SCRN3: variants seen among roughly 807,000 people sequenced by gnomAD.
SCRN3 encodes secernin 3, also known as secernin-3.
Under a neutral mutation model 43.1 loss-of-function variants are expected in SCRN3, and 39 were observed. The observed-to-expected ratio is 0.91, with a 90% CI of 0.70 to 1.18. The LOEUF is 1.18. SCRN3 is among the 50% of genes most tolerant of loss of function. The pLI, the probability that SCRN3 is intolerant of heterozygous loss-of-function variation, is 0.00. For synonymous variants in SCRN3, 147 were observed against 163.1 expected, an observed-to-expected ratio of 0.90 and a Z score of 0.75; for missense variants, 484 against 498.0, an observed-to-expected ratio of 0.97 and a Z score of 0.27.
chr2:174,416,674 A>G (rs1221673538), intron 5 of SCRN3, among the ~76,000 whole-genome samples: 1 of 152,094 alleles, frequency 6.6e-6, no homozygotes, highest in Non-Finnish European at 1.5e-5. Context: ...CAAGATATTA[A>G]CTCAGACCTG....
intron 2 of SCRN3, among the ~76,000 whole-genome samples, chr2:174,399,085 T>C (rs1685420951): frequency 6.6e-6 from 1 of 152,186 alleles, no homozygotes; most frequent in Admixed American, 6.5e-5. Context: ...TAAAAACTTA[T>C]TTTAAAAACC....
At chr2:174,409,679 A>G (rs1222198065) in intron 5 of SCRN3, among the ~76,000 whole-genome samples, 1 of 137,304 alleles carries the variant, frequency 7.3e-6, no homozygotes, top group African/African-American at 2.6e-5. Context: ...CTTCTAACAG[A>G]CAGGACCCTC....
intron 7 of SCRN3, among the ~76,000 whole-genome samples, chr2:174,427,041 A>G (rs1253320171): frequency 6.6e-6 from 1 of 151,960 alleles, no homozygotes; most frequent in Non-Finnish European, 1.5e-5. Context: ...CCATATTGGC[A>G]GGCTGGTCTC....
At chr2:174,426,896 G>A (rs1437752653) in intron 7 of SCRN3, among the ~76,000 whole-genome samples, 4 of 151,432 alleles carry the variant, frequency 2.6e-5, no homozygotes, top group East Asian at 2.0e-4. Context: ...GCCCTGGTGC[G>A]ATCTCAGCTC....
At chr2:174,395,909 C>G (rs990014538) in intron 1 of SCRN3, 92 bp downstream of exon 1, 18 of 1,424,830 alleles carry the variant, frequency 1.3e-5, no homozygotes, top group African/African-American at 7.2e-5. Context: ...CCGAGGGGCT[C>G]CGGAGCCCAG....
At chr2:174,414,825 A>G (rs1161544521) in intron 5 of SCRN3, among the ~76,000 whole-genome samples, 2 of 144,066 alleles carry the variant, frequency 1.4e-5, no homozygotes, top group African/African-American at 5.2e-5. Context: ...ATGCAGTGGC[A>G]CCATCTCAGC....
Position 174,398,460 on chromosome 2 carries a change from T to G in SCRN3, c.159+18T>G. 1 of 1,578,150 alleles carries G rather than the reference T, an allele frequency of 6.3e-7. No homozygotes were observed. Among genetic ancestry groups the G allele is most frequent in the African/African-American group, 1.4e-5 (1 of 72,666 alleles). On this transcript the variant is annotated intron_variant, in intron 2 of 7. Coordinates refer to ENST00000272732, the MANE Select transcript of SCRN3 (RefSeq NM_024583.5). Reference sequence around the variant, plus strand: ...GTCTTAAGGTAGGTGAAATAAATGTTTTGTTAGCAATATGCCTTTTAAAAA... The same window carrying G: ...GTCTTAAGGTAGGTGAAATAAATGTGTTGTTAGCAATATGCCTTTTAAAAA...
At chr2:174,422,862 G>A in intron 5 of SCRN3, 23 bp from the exon 6 acceptor site, 1 of 1,536,824 alleles carries the variant, frequency 6.5e-7, no homozygotes. Context: ...TGTATTTGAT[G>A]ATTTTAAAAA....
chr2:174,419,348 A>G (rs954186695), intron 5 of SCRN3, among the ~76,000 whole-genome samples: 1 of 152,224 alleles, frequency 6.6e-6, no homozygotes, highest in African/African-American at 2.4e-5. Context: ...CATATAAAGT[A>G]TCTAAAAATA....
At chr2:174,414,206 A>G (rs1559079343) in intron 5 of SCRN3, among the ~76,000 whole-genome samples, 1 of 151,824 alleles carries the variant, frequency 6.6e-6, no homozygotes, top group Non-Finnish European at 1.5e-5. Context: ...TGAAAGTAGA[A>G]CTCCTTCCCA....
At chr2:174,422,563 C>G (rs986005718) in intron 5 of SCRN3, among the ~76,000 whole-genome samples, 4 of 133,138 alleles carry the variant, frequency 3.0e-5, no homozygotes, top group Non-Finnish European at 6.7e-5. Context: ...GAACAAGACT[C>G]TGTCTCAAAA....
At position 174,398,386 on chromosome 2, in the gene SCRN3, C is replaced by T. The variant is rs748154955; in HGVS notation, c.103C>T (p.Gln35Ter). The T allele has an allele frequency of 6.2e-7, 1 of 1,607,054 alleles. No homozygotes were observed. The highest frequency in any genetic ancestry group is 8.5e-7 in the Non-Finnish European group (1 of 1,177,624). Reference sequence around the variant, plus strand: ...TTCAGATAGACTCTATGATGAAGTACAAGAGGTGGTTTATTTTCCTGCTGT... The same window carrying T: ...TTCAGATAGACTCTATGATGAAGTATAAGAGGTGGTTTATTTTCCTGCTGT... Reference protein sequence around the residue: ...KNSDRLYDEVQEVVYFPAVVH... With the variant: ...KNSDRLYDEV The change falls in exon 2 of 8, where the codon CAA (glutamine) becomes TAA (stop). Residue 35 changes from glutamine (Q) to a stop codon, truncating the protein, a stop_gained. Transcript: ENST00000272732. LOFTEE classifies it high-confidence loss of function.
intron 2 of SCRN3, 84 bp downstream of exon 2, chr2:174,398,526 CTG>C: frequency 8.4e-7 from 1 of 1,189,218 alleles, no homozygotes; most frequent in Non-Finnish European, 1.2e-6. Context: ...TTGGAAGAAA[CTG>C]TAGAAGTTAA....
intron 5 of SCRN3, among the ~76,000 whole-genome samples, chr2:174,408,516 G>C (rs1191971680): frequency 1.3e-5 from 2 of 149,346 alleles, no homozygotes; most frequent in South Asian, 2.1e-4. Flanking sequence ...GATAGCTGGT[G>C]ATTTTGCTCG....
chr2:174,413,606 T>G (rs1574660719), intron 5 of SCRN3, among the ~76,000 whole-genome samples: 1 of 148,634 alleles, frequency 6.7e-6, no homozygotes, highest in African/African-American at 2.5e-5. Context: ...TTTTTTTTTT[T>G]TTGAGACAGA....
chr2:174,397,302 G>T (rs1685357106), intron 1 of SCRN3: 1 of 985,110 alleles, frequency 1.0e-6, no homozygotes, highest in Admixed American at 6.2e-5. Context: ...AGGAAAGAAG[G>T]AAACTCTGTA....
intron 1 of SCRN3, chr2:174,397,398 T>A (rs1329230161): frequency 9.8e-6 from 9 of 921,304 alleles, no homozygotes; most frequent in Non-Finnish European, 1.2e-5. Context: ...AAGTTACAAC[T>A]GAAGAGGTAA....
At chr2:174,412,996 G>C (rs1362338643) in intron 5 of SCRN3, among the ~76,000 whole-genome samples, 1 of 149,384 alleles carries the variant, frequency 6.7e-6, no homozygotes, top group African/African-American at 2.5e-5. Context: ...AGACTCCCTA[G>C]TAGCTGGGAT....
chr2:174,399,917 T>TTTTAA lies in SCRN3; in HGVS notation c.160-5_160-4insTTTAA. 7.8e-7 allele frequency: 1 copy of TTTTAA among 1,279,264 alleles called. No homozygotes were observed. The highest frequency in any genetic ancestry group is 1.0e-6 in the Non-Finnish European group (1 of 980,816). 79.2% of individuals were successfully genotyped at this position (1,279,264 alleles called of 1,614,324 possible). A position where few individuals can be genotyped will look rare whatever the true frequency, so the allele number is the denominator to read the frequency against. ...GCTATGACTTTTTTTTTTTTTTTTTTACAGTGTACATATATAGAAATTGAT... is the reference window on the plus strand; with the variant it reads ...GCTATGACTTTTTTTTTTTTTTTTTTTTTAAACAGTGTACATATATAGAAATTGAT... On this transcript the variant is annotated splice_region_variant and splice_polypyrimidine_tract_variant and intron_variant, in intron 2 of 7. Transcript: ENST00000272732.
Sources: allele counts gnomAD v4.1 joint callset (sites outside exome capture counted in the v4.1 genomes callset), GRCh38; gene constraint gnomAD v4.1.1; transcripts MANE v1.5; gene names NCBI Gene and HGNC (gene_info 2026-07-23, HGNC 2026-07-21).